The following POP1 variants were observed in gnomAD, a reference collection of about 807,000 sequenced individuals.
The protein encoded by POP1 is POP1 ribonuclease P/MRP subunit, also known as ribonucleases P/MRP protein subunit POP1.
In POP1, 75 loss-of-function variants were observed where a neutral mutation model predicts 102.2. The observed-to-expected ratio is 0.73, with a 90% confidence interval of 0.61 to 0.89. POP1 has a LOEUF of 0.89. Among genes scored for constraint, POP1 ranks in the 40% least tolerant of loss-of-function variants. The pLI is 0.00. For missense variants in POP1, 1,116 were observed against 1,267.4 expected, an observed-to-expected ratio of 0.88 and a Z score of 1.81; for synonymous variants, 436 against 464.1, an observed-to-expected ratio of 0.94 and a Z score of 0.78.
At chr8:98,141,905 A>T (rs1023837946) in intron 11 of POP1, among the ~76,000 whole-genome samples, 1 of 151,602 alleles carries the variant, frequency 6.6e-6, no homozygotes, top group African/African-American at 2.4e-5. Flanking sequence ...TAGCTTATTG[A>T]TGGGGCAATA....
rs1816847894 is a variant in POP1, at chr8:98,146,554, C to G, written c.1595-14C>G. 4 of 1,591,080 alleles carry G rather than the reference C, an allele frequency of 2.5e-6. No individual in the cohort carries two copies. The East Asian group carries it at 8.9e-5, about 36-fold the overall frequency. On this transcript the variant is annotated splice_polypyrimidine_tract_variant and intron_variant, in intron 11 of 15. Transcript: ENST00000401707. ...GAAGGATGTGGTTTGAAGGCTATTT[C>G]TTTTCCCTCTTAGATAATGAGAAAG...
chr8:98,122,441 A>G (rs1816057558), intron 1 of POP1, among the ~76,000 whole-genome samples: 2 of 151,996 alleles, frequency 1.3e-5, no homozygotes, highest in African/African-American at 2.4e-5. Flanking sequence ...GAGCTTCCCT[A>G]CCTCCTAGTG....
chr8:98,158,081 C>G lies in POP1; in HGVS notation c.2885C>G (p.Thr962Ser). 6 of 1,605,446 alleles carry G rather than the reference C, an allele frequency of 3.7e-6. No individual in the cohort carries two copies. The highest frequency in any genetic ancestry group is 5.1e-6 in the Non-Finnish European group (6 of 1,176,684). ...LPRVTLHCSR[T>S]LLGFVTQGDF... ...CGTGTGACGTTGCACTGCTCCAGAA[C>G]TCTCCTAGGCTTTGTGACTCAGGGA... The change falls in exon 16 of 16, where the codon ACT becomes AGT. Residue 962 changes from threonine (T) to serine (S), a missense_variant. By Grantham distance (58) the Thr-to-Ser change is moderately conservative. Coordinates refer to ENST00000401707, the MANE Select transcript of POP1 (RefSeq NM_001145860.2).
At chr8:98,155,494 G>A (rs1809622728) in intron 14 of POP1, among the ~76,000 whole-genome samples, 1 of 152,010 alleles carries the variant, frequency 6.6e-6, no homozygotes, top group Admixed American at 6.6e-5. Flanking sequence ...TGTTGGCCAG[G>A]CTGGTCTCGA....
intron 7 of POP1, 92 bp downstream of exon 7, chr8:98,134,751 G>A (rs1586236145): frequency 7.4e-7 from 1 of 1,348,218 alleles, no homozygotes; most frequent in Non-Finnish European, 1.1e-6. Context: ...ATAGTGTAAA[G>A]GTTTGTCTGA....
intron 15 of POP1, among the ~76,000 whole-genome samples, chr8:98,157,024 C>T (rs1809670011): frequency 1.3e-5 from 2 of 151,684 alleles, no homozygotes; most frequent in Non-Finnish European, 2.9e-5. Flanking sequence ...GCCTCAGCCT[C>T]CCAAGTAGCT....
chr8:98,149,054 C>T, intron 13 of POP1, 48 bp downstream of exon 13: 1 of 1,490,794 alleles, frequency 6.7e-7, no homozygotes, highest in South Asian at 1.2e-5. Context: ...AAATACATTC[C>T]TAATAAATGC....
intron 14 of POP1, among the ~76,000 whole-genome samples, chr8:98,152,523 G>A (rs1809540571): frequency 6.6e-6 from 1 of 152,240 alleles, no homozygotes; most frequent in African/African-American, 2.4e-5. Context: ...GAGCACGGCT[G>A]TGTTCCAATC....
At chr8:98,142,774 C>G (rs1816742980) in intron 11 of POP1, among the ~76,000 whole-genome samples, 1 of 152,150 alleles carries the variant, frequency 6.6e-6, no homozygotes, top group South Asian at 2.1e-4. Context: ...AGGAGGATAG[C>G]TGCCTTTAGA....
At chr8:98,118,019 T>C (rs1045292922) in intron 1 of POP1, among the ~76,000 whole-genome samples, 1 of 143,454 alleles carries the variant, frequency 7.0e-6, no homozygotes, top group Non-Finnish European at 1.5e-5. Context: ...TGCTAGATGC[T>C]AGGAGGAATG....
chr8:98,136,770 A>G (rs369428663), intron 8 of POP1, 32 bp downstream of exon 8: 29 of 1,612,564 alleles, frequency 1.8e-5, no homozygotes, highest in South Asian at 1.1e-5. Flanking sequence ...AACCTACTGA[A>G]CATTTTCAGT....
intron 7 of POP1, among the ~76,000 whole-genome samples, chr8:98,135,155 G>A (rs746809546): frequency 1.0e-3 from 152 of 152,228 alleles, no homozygotes; most frequent in Non-Finnish European, 6.9e-4. Context: ...GCATGCACCT[G>A]TAGTCTCAGC....
chr8:98,147,797 C>T (rs566860523), intron 12 of POP1, among the ~76,000 whole-genome samples: 1 of 152,152 alleles, frequency 6.6e-6, no homozygotes, highest in East Asian at 1.9e-4. Flanking sequence ...GGAGGTGTGT[C>T]GATTAGGTCC....
Position 98,158,248 on chromosome 8 carries a change from G to T in POP1, c.3052G>T (p.Ala1018Ser), listed in dbSNP as rs868680497. 3 of 1,610,878 alleles carry T rather than the reference G, an allele frequency of 1.9e-6. No homozygotes were observed. In the African/African-American group the frequency reaches 4.0e-5, roughly 21 times the overall value. Residue 1018 changes from alanine (A) to serine (S), a missense_variant, in exon 16 of 16, where the codon GCG becomes TCG. Transcript: ENST00000401707. ...RPPASLQYRFARIAIEV is the reference protein window; with the variant it reads ...RPPASLQYRFSRIAIEV ...TCCCGCCTCTCTGCAGTATCGATTT[G>T]CGAGGATTGCTATTGAGGTGTGAAT...
Position 98,158,122 on chromosome 8 carries a change from G to T in POP1, c.2926G>T (p.Val976Phe), listed in dbSNP as rs368501096. 5.9e-5 allele frequency: 95 copies of T among 1,606,636 alleles called. No individual in the cohort carries two copies. The highest frequency in any genetic ancestry group is 3.3e-4 in the Middle Eastern group (2 of 6,034). Residue 976 changes from valine to phenylalanine, a missense_variant, in exon 16 of 16, where the codon GTT (valine) becomes TTT (phenylalanine). Val to Phe is a conservative substitution (Grantham distance 50). Transcript: ENST00000401707. Reference sequence around the variant, plus strand: ...GACTCAGGGAGATTTTTCCATGGCTGTTGGCTGTGGAGAAGCCCTGGGGTT... The same window carrying T: ...GACTCAGGGAGATTTTTCCATGGCTTTTGGCTGTGGAGAAGCCCTGGGGTT... ...FVTQGDFSMAVGCGEALGFVS... is the reference protein window; with the variant it reads ...FVTQGDFSMAFGCGEALGFVS...
At chr8:98,154,233 C>T (rs775509088) in intron 14 of POP1, among the ~76,000 whole-genome samples, 7 of 152,296 alleles carry the variant, frequency 4.6e-5, no homozygotes, top group Middle Eastern at 3.4e-3. Flanking sequence ...GTTCTTCCTC[C>T]GCTGTGCTCT....
intron 2 of POP1, among the ~76,000 whole-genome samples, chr8:98,124,162 C>T (rs1816122851): frequency 6.6e-6 from 1 of 152,168 alleles, no homozygotes; most frequent in Non-Finnish European, 1.5e-5. Flanking sequence ...TGAATCTCAG[C>T]CCTGGGGCAG....
chr8:98,117,516 C>T (rs1815876765), intron 1 of POP1, 126 bp downstream of exon 1: 1 of 198,912 alleles, frequency 5.0e-6, no homozygotes, highest in Admixed American at 5.4e-5. Flanking sequence ...GACCTCTTTC[C>T]TTGCTGCCTG....
rs1248205929 is a variant in POP1, at chr8:98,128,402, T to C, written c.348T>C (p.Ser116=). ...CTCAAGCACGAGCTGCTGAAATCAG[T>C]GCTATGTTAAAAGCTGTGACCCAGA... The part of the protein sequence containing the change: ...TFAQARAAEI[S]AMLKAVTQKS... Residue 116 remains serine (S), a synonymous_variant, in exon 4 of 16, where the codon AGT becomes AGC. Transcript: ENST00000401707. 30 of 1,614,048 alleles carry C rather than the reference T, an allele frequency of 1.9e-5. No homozygotes were observed. Among genetic ancestry groups the C allele is most frequent in the Non-Finnish European group, 2.5e-5 (30 of 1,180,028 alleles).
Sources: allele counts gnomAD v4.1 joint callset (sites outside exome capture counted in the v4.1 genomes callset), GRCh38; gene constraint gnomAD v4.1.1; transcripts MANE v1.5; gene names NCBI Gene and HGNC (gene_info 2026-07-23, HGNC 2026-07-21).